The following OXSR1 variants were observed in gnomAD, a reference collection of about 807,000 sequenced individuals.
The protein encoded by OXSR1 is oxidative stress responsive kinase 1.
OXSR1 carries 24 observed loss-of-function variants against 79.8 expected under a neutral mutation model. That is an observed-to-expected ratio of 0.30 (90% CI 0.22 to 0.42). The LOEUF (loss-of-function observed/expected upper bound fraction) is 0.42, where lower values mean the gene tolerates loss of function less well. OXSR1 is among the 10% of genes least tolerant of loss of function. OXSR1 has a pLI of 1.00. For missense variants in OXSR1, 430 were observed against 618.4 expected (o/e 0.70, Z 3.23); for synonymous variants, 226 against 209.2 (o/e 1.08, Z -0.69).
intron 1 of OXSR1, among the ~76,000 whole-genome samples, chr3:38,175,984 C>T (rs1335019628): frequency 6.6e-6 from 1 of 152,140 alleles, no homozygotes; most frequent in Non-Finnish European, 1.5e-5. Flanking sequence ...TAGTCGAGGG[C>T]ATTAGGGAAG....
At chr3:38,206,535 A>G (rs1702266683) in intron 4 of OXSR1, among the ~76,000 whole-genome samples, 1 of 151,582 alleles carries the variant, frequency 6.6e-6, no homozygotes, top group Admixed American at 6.6e-5. Flanking sequence ...CCCTAAATGT[A>G]TACTTCAGTG....
chr3:38,165,572 G>C lies in OXSR1; in HGVS notation c.-305G>C, dbSNP rs548978514. 2 of 394,308 alleles carry C rather than the reference G, an allele frequency of 5.1e-6. No individual in the cohort carries two copies. Among genetic ancestry groups the C allele is most frequent in the African/African-American group, 4.3e-5 (2 of 46,434 alleles). The allele number at this position is 394,308 out of a possible 1,614,324, so 24.4% of individuals were successfully genotyped here. A position where few individuals can be genotyped will look rare whatever the true frequency, so the allele number is the denominator to read the frequency against. On this transcript the variant is annotated 5_prime_UTR_variant, in exon 1 of 18. Coordinates refer to ENST00000311806, the MANE Select transcript of OXSR1 (RefSeq NM_005109.3). ...TGGGGCTGGGGTGGAGGGCGGGACA[G>C]AGGGGCTGGGCCCAGGCAAAGCTTC...
chr3:38,227,060 T>A (rs2300667), intron 8 of OXSR1, among the ~76,000 whole-genome samples: 1 of 152,302 alleles, frequency 6.6e-6, no homozygotes, highest in East Asian at 1.9e-4. Flanking sequence ...TATAAAACTT[T>A]AAGAAAACTG....
In OXSR1 at chr3:38,230,217, A is replaced by G. The variant is rs35357135; in HGVS notation, c.886-148A>G. 4.0e-3 allele frequency: 2,553 copies of G among 644,500 alleles called. 46 individuals are homozygous for G. Among genetic ancestry groups the G allele is most frequent in the African/African-American group, 0.034 (1,861 of 54,044 alleles). The allele number at this position is 644,500 out of a possible 1,614,324, so 39.9% of individuals were successfully genotyped here. A position where few individuals can be genotyped will look rare whatever the true frequency, so the allele number is the denominator to read the frequency against. On this transcript the variant is annotated intron_variant, in intron 9 of 17. Coordinates refer to ENST00000311806, the MANE Select transcript of OXSR1 (RefSeq NM_005109.3). ...AACTGTGGTAGTAACATACTAAAGG[A>G]GCTTCAGAGTGAAAGAATGAAAGTT... is the stretch of plus-strand genomic sequence containing the variant.
At chr3:38,177,500 G>A (rs146145079) in intron 1 of OXSR1, among the ~76,000 whole-genome samples, 199 of 152,292 alleles carry the variant, frequency 1.3e-3, no homozygotes, top group African/African-American at 4.4e-3. Context: ...TGTCAAAATT[G>A]TTTATGTACA....
chr3:38,175,212 G>T (rs1701655397), intron 1 of OXSR1, among the ~76,000 whole-genome samples: 1 of 152,134 alleles, frequency 6.6e-6, no homozygotes, highest in Non-Finnish European at 1.5e-5. Flanking sequence ...TGATGGCTGG[G>T]CACAATTTAG....
Position 38,224,699 on chromosome 3 carries a change from A to G in OXSR1, c.831A>G (p.Glu277=), listed in dbSNP as rs1373365459. Residue 277 remains glutamate (E), a synonymous_variant, in exon 8 of 18, where the codon GAA becomes GAG. Coordinates refer to ENST00000311806, the MANE Select transcript of OXSR1 (RefSeq NM_005109.3). ...MISLCLQKDP[E]KRPTAAELLR... ...CATTGTGCCTTCAAAAAGATCCAGA[A>G]AAAAGGTAAAATATGAGAAAAAGTC... is the stretch of plus-strand genomic sequence containing the variant. 1.9e-6 allele frequency: 3 copies of G among 1,555,382 alleles called. No individual in the cohort carries two copies. The highest frequency in any genetic ancestry group is 2.6e-6 in the Non-Finnish European group (3 of 1,147,408).
intron 1 of OXSR1, among the ~76,000 whole-genome samples, chr3:38,179,326 G>C (rs937435942): frequency 3.3e-5 from 5 of 152,086 alleles, no homozygotes; most frequent in Middle Eastern, 3.4e-3. Context: ...TCCCGCCCTG[G>C]CCTGGCTAAT....
At chr3:38,240,743 G>A (rs765308825) in intron 11 of OXSR1, among the ~76,000 whole-genome samples, 1 of 149,386 alleles carries the variant, frequency 6.7e-6, no homozygotes, top group Non-Finnish European at 1.5e-5. Context: ...GCGCCAGCTC[G>A]AAGTTACTCC....
At chr3:38,217,646 G>C (rs1575346811) in intron 5 of OXSR1, among the ~76,000 whole-genome samples, 1 of 152,068 alleles carries the variant, frequency 6.6e-6, no homozygotes, top group African/African-American at 2.4e-5. Context: ...TTGTGCCTCA[G>C]CCTCCCAAGT....
chr3:38,240,027 A>G (rs1442572683), intron 11 of OXSR1, among the ~76,000 whole-genome samples: 2 of 152,206 alleles, frequency 1.3e-5, no homozygotes, highest in East Asian at 3.8e-4. Flanking sequence ...TCAGGCAGAA[A>G]GATAAATCTG....
At chr3:38,198,333 T>A (rs1702102760) in intron 3 of OXSR1, among the ~76,000 whole-genome samples, 1 of 152,180 alleles carries the variant, frequency 6.6e-6, no homozygotes, top group African/African-American at 2.4e-5. Context: ...AATTGTATTT[T>A]TATATCTTTA....
chr3:38,220,391 A>G (rs561786139), intron 5 of OXSR1, among the ~76,000 whole-genome samples: 1 of 151,972 alleles, frequency 6.6e-6, no homozygotes, highest in Admixed American at 6.6e-5. Flanking sequence ...TCTGTTTTCA[A>G]TTTGAAAATA....
chr3:38,205,280 G>T (rs1196832100), intron 4 of OXSR1, among the ~76,000 whole-genome samples: 1 of 152,226 alleles, frequency 6.6e-6, no homozygotes. Context: ...TCTTATGAAG[G>T]TGCTTTTTCA....
chr3:38,165,945 C>T lies in OXSR1; in HGVS notation c.69C>T (p.Ile23=), dbSNP rs760172734. The change falls in exon 1 of 18, where the codon ATC becomes ATT. Residue 23 remains isoleucine (I), a splice_region_variant and synonymous_variant. Transcript: ENST00000311806. ...NRDDYELQEV[I]GSGATAVVQA... ...ACGATTACGAGCTGCAGGAGGTGATCGGTGAGAGCAGGCGCTGCGGAGGGG... is the reference window on the plus strand; with the variant it reads ...ACGATTACGAGCTGCAGGAGGTGATTGGTGAGAGCAGGCGCTGCGGAGGGG... 8.7e-6 allele frequency: 14 copies of T among 1,610,378 alleles called. No individual in the cohort carries two copies. Among genetic ancestry groups the T allele is most frequent in the Non-Finnish European group, 1.1e-5 (13 of 1,179,128 alleles).
At chr3:38,198,590 A>G (rs183277647) in intron 3 of OXSR1, 132 bp from the exon 4 acceptor site, 9 of 580,696 alleles carry the variant, frequency 1.5e-5, no homozygotes, top group Admixed American at 3.2e-5. Flanking sequence ...GTATTTCCTC[A>G]TATTTGCTGT....
intron 10 of OXSR1, among the ~76,000 whole-genome samples, chr3:38,234,730 AC>A (rs1702884126): frequency 6.6e-6 from 1 of 152,214 alleles, no homozygotes; most frequent in Non-Finnish European, 1.5e-5. Context: ...CAGCAGTTCT[AC>A]TCCTAGGCAC....
chr3:38,169,756 T>G (rs1701540855), intron 1 of OXSR1, among the ~76,000 whole-genome samples: 1 of 152,076 alleles, frequency 6.6e-6, no homozygotes, highest in South Asian at 2.1e-4. Context: ...TCTTTTTTTT[T>G]GAGACAGTCT....
intron 10 of OXSR1, among the ~76,000 whole-genome samples, chr3:38,233,542 G>GA (rs982527402): frequency 2.9e-4 from 44 of 151,694 alleles, no homozygotes; most frequent in Non-Finnish European, 3.8e-4. Context: ...AAAATAAACA[G>GA]AAAAAAAGAG....
Sources: gnomAD v4.1 joint callset for allele counts (sites outside exome capture counted in the v4.1 genomes callset) on GRCh38, gnomAD v4.1.1 for gene constraint, MANE v1.5 for transcripts, NCBI Gene and HGNC (gene_info 2026-07-23, HGNC 2026-07-21) for gene names.